Variants in BEND7 observed in about 807,000 individuals in gnomAD.
BEND7 encodes the protein BEN domain-containing protein 7.
In BEND7, 28 loss-of-function variants were observed where a neutral mutation model predicts 50.9. The observed-to-expected ratio is 0.55, with a 90% CI of 0.41 to 0.75. The LOEUF (loss-of-function observed/expected upper bound fraction) is 0.75. Among genes scored for constraint, BEND7 ranks in the 30% least tolerant of loss-of-function variants. BEND7 has a pLI of 0.00. For missense variants in BEND7, 477 were observed against 491.3 expected (o/e 0.97, Z 0.28); for synonymous variants, 170 against 183.9 (o/e 0.92, Z 0.61).
intron 5 of BEND7, among the ~76,000 whole-genome samples, chr10:13,484,575 C>T (rs1479812266): frequency 6.6e-6 from 1 of 152,190 alleles, no homozygotes; most frequent in East Asian, 1.9e-4. Flanking sequence ...AAATGAATAT[C>T]ATTTTGAAAA....
intron 2 of BEND7, among the ~76,000 whole-genome samples, chr10:13,507,269 C>A (rs2077964763): frequency 6.6e-6 from 1 of 152,152 alleles, no homozygotes; most frequent in Non-Finnish European, 1.5e-5. Flanking sequence ...AATTCCCAAC[C>A]CCTGAGGCAA....
At position 13,499,909 on chromosome 10, in the gene BEND7, G is replaced by T. The variant is rs143151482; in HGVS notation, c.317C>A (p.Pro106Gln). The T allele has an allele frequency of 1.2e-4, 192 of 1,614,164 alleles. No homozygotes were observed. Among genetic ancestry groups the T allele is most frequent in the Non-Finnish European group, 1.6e-4 (185 of 1,180,022 alleles). ...PPRLNSSAEA[P>Q]QSLHPSSRGV... is the part of the protein sequence containing the mutation. The stretch of plus-strand genomic sequence containing the variant: ...ACGTGAAGACGGGTGGAGGCTTTGC[G>T]GGGCCTCAGCAGAGGAGTTCAAACG... Residue 106 changes from proline to glutamine, a missense_variant, in exon 3 of 9, where the codon CCG becomes CAG. Pro to Gln is a moderately conservative substitution (Grantham distance 76, BLOSUM62 -1). Around this residue, in one of 3 missense-constraint regions of BEND7, gnomAD observed 396 missense variants for 384.2 expected, o/e 1.03. Transcript: ENST00000466271.
chr10:13,440,492 C>T (rs1835183409), downstream of BEND7, among the ~76,000 whole-genome samples: 1 of 152,258 alleles, frequency 6.6e-6, no homozygotes, highest in Admixed American at 6.5e-5. Flanking sequence ...CCTCTCCTCA[C>T]AGCTGTCCCA....
At chr10:13,458,964 T>C (rs1839626690) in intron 6 of BEND7, among the ~76,000 whole-genome samples, 1 of 152,250 alleles carries the variant, frequency 6.6e-6, no homozygotes, top group Non-Finnish European at 1.5e-5. Flanking sequence ...GGTTAGGTAT[T>C]GTGATCCTCA....
intron 2 of BEND7, among the ~76,000 whole-genome samples, chr10:13,524,118 C>T (rs1193460009): frequency 1.3e-5 from 2 of 152,198 alleles, no homozygotes; most frequent in African/African-American, 4.8e-5. Context: ...TGGGCACTAG[C>T]ATCCTGTTGC....
intron 7 of BEND7, 74 bp from the exon 8 acceptor site, chr10:13,447,390 G>A: frequency 2.0e-6 from 3 of 1,527,664 alleles, no homozygotes; most frequent in East Asian, 2.3e-5. Flanking sequence ...AAATAGTGAT[G>A]TAATTTTAAA....
intron 6 of BEND7, among the ~76,000 whole-genome samples, chr10:13,454,802 A>C (rs1018570964): frequency 2.6e-5 from 4 of 152,218 alleles, no homozygotes; most frequent in Admixed American, 2.6e-4. Context: ...ATTTAGACAG[A>C]GAAATCTACA....
At chr10:13,514,341 A>G (rs2078500453) in intron 2 of BEND7, among the ~76,000 whole-genome samples, 1 of 152,158 alleles carries the variant, frequency 6.6e-6, no homozygotes, top group Non-Finnish European at 1.5e-5. Flanking sequence ...CAAGAGATAA[A>G]CCCACATCGG....
At chr10:13,527,334 A>G (rs114408197) in intron 1 of BEND7, among the ~76,000 whole-genome samples, 2,549 of 152,376 alleles carry the variant, frequency 0.017, 72 homozygotes, top group African/African-American at 0.058. Context: ...GGGGAGGCAG[A>G]TAAGAATGGA....
intron 2 of BEND7, among the ~76,000 whole-genome samples, chr10:13,525,324 C>T (rs1239852889): frequency 6.6e-6 from 1 of 152,170 alleles, no homozygotes; most frequent in African/African-American, 2.4e-5. Flanking sequence ...CTTTCCTGTA[C>T]AGTATTTGCA....
intron 2 of BEND7, among the ~76,000 whole-genome samples, chr10:13,513,835 C>T (rs2078456259): frequency 6.6e-6 from 1 of 152,242 alleles, no homozygotes; most frequent in South Asian, 2.1e-4. Context: ...GCCCTGGCTC[C>T]TGCCACATTT....
intron 2 of BEND7, among the ~76,000 whole-genome samples, chr10:13,514,176 T>G (rs1249053833): frequency 1.3e-5 from 2 of 152,220 alleles, no homozygotes; most frequent in Non-Finnish European, 2.9e-5. Flanking sequence ...TTAATTTCTC[T>G]TATCACAACC....
intron 2 of BEND7, among the ~76,000 whole-genome samples, chr10:13,509,600 A>G (rs1256022175): frequency 6.6e-6 from 1 of 152,214 alleles, no homozygotes; most frequent in African/African-American, 2.4e-5. Context: ...AGAAAAAGAG[A>G]TCACTTTACC....
chr10:13,468,544 C>T (rs1483199008), intron 6 of BEND7, among the ~76,000 whole-genome samples: 2 of 152,088 alleles, frequency 1.3e-5, no homozygotes, highest in African/African-American at 4.8e-5. Context: ...AGTAGGAAAA[C>T]GATGTCACGA....
rs1836583843 is a variant in BEND7, at chr10:13,447,323, G to GT, written c.1184-8dup. 1.2e-6 allele frequency: 2 copies of GT among 1,613,940 alleles called. No individual in the cohort carries two copies. The highest frequency in any genetic ancestry group is 1.7e-6 in the Non-Finnish European group (2 of 1,179,906). ...TCATCACTGTCCGCGATCTCTGCTG[G>GT]TTACAAACATAAGACACAAATCTCA... On this transcript the variant is annotated splice_polypyrimidine_tract_variant and splice_region_variant and intron_variant, in intron 7 of 8. Transcript: ENST00000466271.
At chr10:13,508,605 T>A (rs571130181) in intron 2 of BEND7, among the ~76,000 whole-genome samples, 1 of 152,226 alleles carries the variant, frequency 6.6e-6, no homozygotes, top group Non-Finnish European at 1.5e-5. Flanking sequence ...AGCTGAGAAC[T>A]ACAGATAGAA....
intron 5 of BEND7, 80 bp from the exon 6 acceptor site, chr10:13,481,204 T>C: frequency 2.3e-6 from 3 of 1,300,420 alleles, no homozygotes; most frequent in Non-Finnish European, 3.2e-6. Context: ...CAAAAAAACA[T>C]CACTAGCTAC....
intron 8 of BEND7, 94 bp from the exon 9 acceptor site, chr10:13,441,844 C>A: frequency 2.3e-6 from 3 of 1,279,910 alleles, no homozygotes; most frequent in South Asian, 2.6e-5. Context: ...GAAATAATTT[C>A]TCCAAACCTT....
chr10:13,478,159 A>G (rs1228856151), intron 6 of BEND7, among the ~76,000 whole-genome samples: 1 of 152,188 alleles, frequency 6.6e-6, no homozygotes, highest in Non-Finnish European at 1.5e-5. Flanking sequence ...AACAGGTGAC[A>G]GCCCGTGACA....
Sources: allele counts gnomAD v4.1 joint callset (sites outside exome capture counted in the v4.1 genomes callset), GRCh38; gene constraint gnomAD v4.1.1; regional missense constraint gnomAD v4.1.1; transcripts MANE v1.5; gene names NCBI Gene and HGNC (gene_info 2026-07-23, HGNC 2026-07-21).